MTUS1: variants seen among roughly 807,000 people sequenced by gnomAD.
MTUS1 encodes microtubule-associated tumor suppressor 1.
In MTUS1, 109 loss-of-function variants were observed where a neutral mutation model predicts 120.8. That is an observed-to-expected ratio of 0.90 (90% CI 0.77 to 1.06). The LOEUF is 1.06. Among genes scored for constraint, MTUS1 ranks in the 50% least tolerant of loss-of-function variants. The probability of loss-of-function intolerance (pLI) is 0.00; values close to 1 mark genes in which losing one functional copy is unlikely to be tolerated. For missense variants in MTUS1, 2,210 were observed against 1,486.3 expected, an observed-to-expected ratio of 1.49 and a Z score of -8.01; for synonymous variants, 737 against 550.5, an observed-to-expected ratio of 1.34 and a Z score of -4.74.
intron 2 of MTUS1, among the ~76,000 whole-genome samples, chr8:17,753,020 TC>T (rs371731683): frequency 6.6e-6 from 1 of 151,970 alleles, no homozygotes; most frequent in South Asian, 2.1e-4. Flanking sequence ...ACTCTCTAGG[TC>T]CCCCCCAAAT....
At chr8:17,713,748 G>T (rs908625514) in intron 5 of MTUS1, among the ~76,000 whole-genome samples, 1 of 152,156 alleles carries the variant, frequency 6.6e-6, no homozygotes, top group South Asian at 2.1e-4. Flanking sequence ...GTACACAGCT[G>T]TAAGTCACTA....
In MTUS1 at chr8:17,656,049, G is replaced by A. The variant is rs1364729781; in HGVS notation, c.2922C>T (p.Thr974=). Residue 974 remains threonine, a synonymous_variant, in exon 9 of 15, where the codon ACC becomes ACT. Coordinates refer to ENST00000693296, the MANE Select transcript of MTUS1 (RefSeq NM_001363059.2). ...TCCTGGCTTTTTCTAATTTCTCACA[G>A]GTGGTTGAAGCAGTGACTGAAAACA... ...LRGELVTAST[T]CEKLEKARNE... The A allele has an allele frequency of 6.2e-7, 1 of 1,614,172 alleles. No homozygotes were observed. The highest frequency in any genetic ancestry group is 8.5e-7 in the Non-Finnish European group (1 of 1,180,026).
intron 3 of MTUS1, among the ~76,000 whole-genome samples, chr8:17,734,427 A>T (rs1034350572): frequency 1.3e-5 from 2 of 152,174 alleles, no homozygotes; most frequent in African/African-American, 4.8e-5. Flanking sequence ...AAACACGGCA[A>T]GTCTTAAGAC....
At chr8:17,650,949 A>G (rs938344737) in intron 12 of MTUS1, among the ~76,000 whole-genome samples, 1 of 152,164 alleles carries the variant, frequency 6.6e-6, no homozygotes, top group African/African-American at 2.4e-5. Flanking sequence ...CTTCCGGGGC[A>G]TTGGTTTCTG....
chr8:17,707,784 T>G (rs999648027), intron 6 of MTUS1, among the ~76,000 whole-genome samples: 1 of 152,162 alleles, frequency 6.6e-6, no homozygotes, highest in Non-Finnish European at 1.5e-5. Flanking sequence ...AACATATAAA[T>G]GCAAAGAACA....
chr8:17,793,130 T>C (rs986262093), intron 1 of MTUS1, among the ~76,000 whole-genome samples: 1 of 152,224 alleles, frequency 6.6e-6, no homozygotes, highest in Non-Finnish European at 1.5e-5. Flanking sequence ...ATTGTCAACT[T>C]GCGATTGTCT....
At chr8:17,697,742 G>A in intron 6 of MTUS1, 2 of 993,978 alleles carry the variant, frequency 2.0e-6, no homozygotes, top group Non-Finnish European at 2.4e-6. Context: ...GGTCTCAGGA[G>A]CTTTACAGAA....
chr8:17,693,244 T>C (rs191426232), intron 6 of MTUS1: 29 of 152,324 alleles, frequency 1.9e-4, no homozygotes, highest in African/African-American at 6.5e-4. Flanking sequence ...AAAAAGACTA[T>C]TGCTGACCCT....
At chr8:17,701,314 T>G (rs942283293) in intron 6 of MTUS1, among the ~76,000 whole-genome samples, 7 of 152,184 alleles carry the variant, frequency 4.6e-5, no homozygotes, top group African/African-American at 1.7e-4. Flanking sequence ...GGCCCAATTT[T>G]TCCACACTAT....
At chr8:17,726,781 C>T (rs1052800440) in intron 3 of MTUS1, among the ~76,000 whole-genome samples, 1 of 152,080 alleles carries the variant, frequency 6.6e-6, no homozygotes, top group Non-Finnish European at 1.5e-5. Context: ...GCCAAATTGC[C>T]GCCCCTTCAG....
chr8:17,696,051 A>G (rs576394749), intron 6 of MTUS1, among the ~76,000 whole-genome samples: 1 of 152,288 alleles, frequency 6.6e-6, no homozygotes, highest in East Asian at 1.9e-4. Context: ...CAGACAAATT[A>G]TTGCAAATAT....
intron 5 of MTUS1, 106 bp from the exon 6 acceptor site, chr8:17,713,358 A>T: frequency 4.1e-6 from 3 of 735,656 alleles, no homozygotes; most frequent in Non-Finnish European, 6.9e-6. Flanking sequence ...CAATCGCTAC[A>T]TTTCAGGTTC....
rs565535127 is a variant in MTUS1, at chr8:17,782,159, T to A, written c.-155+18902A>T. Among the ~76,000 whole-genome samples the A allele has an allele frequency of 2.6e-5, 4 of 152,302 alleles. No homozygotes were observed. In the East Asian group the frequency reaches 7.7e-4, roughly 29 times the overall value. On this transcript the variant is annotated intron_variant, in intron 1 of 14. Coordinates refer to ENST00000693296, the MANE Select transcript of MTUS1 (RefSeq NM_001363059.2). ...TTTCAAACAACTCAATGATGGGATT[T>A]TTTTCCCCCCTTAAATGTCATGTCC...
intron 6 of MTUS1, among the ~76,000 whole-genome samples, chr8:17,686,500 A>C (rs1040570252): frequency 1.3e-5 from 2 of 152,170 alleles, no homozygotes; most frequent in African/African-American, 4.8e-5. Flanking sequence ...CATTCTCCTG[A>C]TATCATTTGT....
At chr8:17,704,771 T>G (rs1006924882) in intron 6 of MTUS1, among the ~76,000 whole-genome samples, 2 of 152,192 alleles carry the variant, frequency 1.3e-5, no homozygotes, top group Non-Finnish European at 2.9e-5. Flanking sequence ...TATATGACTT[T>G]TGGGATTGTT....
At chr8:17,776,322 G>T (rs1586340257) in intron 1 of MTUS1, among the ~76,000 whole-genome samples, 1 of 151,228 alleles carries the variant, frequency 6.6e-6, no homozygotes, top group African/African-American at 2.4e-5. Context: ...TCAGATTTTG[G>T]TATTGACGGT....
intron 1 of MTUS1, among the ~76,000 whole-genome samples, chr8:17,786,446 G>A (rs2051308583): frequency 6.6e-6 from 1 of 152,194 alleles, no homozygotes; most frequent in Non-Finnish European, 1.5e-5. Flanking sequence ...CGCTGAGGAA[G>A]GAGGAAATCC....
chr8:17,744,402 G>A (rs956473838), intron 2 of MTUS1, among the ~76,000 whole-genome samples: 10 of 151,956 alleles, frequency 6.6e-5, no homozygotes, highest in African/African-American at 2.2e-4. Flanking sequence ...CCTTTCTATT[G>A]ATTTCAGGTC....
In MTUS1 at chr8:17,675,194, C is replaced by A; in HGVS notation, c.2897G>T (p.Gly966Val). Residue 966 changes from glycine to valine, a missense_variant, in exon 8 of 15, where the codon GGA becomes GTA. Transcript: ENST00000693296. ...CAACAAAAAGCTCTTACCTAGCTCT[C>A]CCCGGAGGTTAACAAGTTCTTGAGA... ...TLSQELVNLR[G>V]ELVTASTTCE... 1 of 1,614,124 alleles carries A rather than the reference C, an allele frequency of 6.2e-7. No individual in the cohort carries two copies. The highest frequency in any genetic ancestry group is 8.5e-7 in the Non-Finnish European group (1 of 1,179,994).
Sources: gnomAD v4.1 joint callset for allele counts (sites outside exome capture counted in the v4.1 genomes callset) on GRCh38, gnomAD v4.1.1 for gene constraint, MANE v1.5 for transcripts, NCBI Gene and HGNC (gene_info 2026-07-23, HGNC 2026-07-21) for gene names.